The following SLC9D1 variants were observed in gnomAD, a reference collection of about 807,000 sequenced individuals.
SLC9D1 encodes the protein solute carrier family 9 member D1, also known as putative LAG1-interacting protein.
At chr13:113,517,644 T>C in the SLC9D1 span, among the ~76,000 whole-genome samples, 1 of 152,178 alleles carries the variant, frequency 6.6e-6, no homozygotes, top group Non-Finnish European at 1.5e-5. Flanking sequence ...TTTGCAGATA[T>C]AGTGGTGGTC....
chr13:113,500,936 T>G, the SLC9D1 span, among the ~76,000 whole-genome samples: 2 of 152,226 alleles, frequency 1.3e-5, no homozygotes, highest in Non-Finnish European at 2.9e-5. Flanking sequence ...TGGAGGTATC[T>G]GTAAAACTAT....
chr13:113,500,521 G>A, the SLC9D1 span, among the ~76,000 whole-genome samples: 1 of 152,194 alleles, frequency 6.6e-6, no homozygotes, highest in Non-Finnish European at 1.5e-5. Context: ...ATTTAGCCCT[G>A]GGGTGCAGAG....
At chr13:113,520,750 C>A in the SLC9D1 span, 1 of 1,552,674 alleles carries the variant, frequency 6.4e-7, no homozygotes, top group Non-Finnish European at 8.9e-7. Flanking sequence ...GCTTTGTGTA[C>A]GCAATTTGTT....
chr13:113,547,307 C>A, the SLC9D1 span: 160 of 1,613,888 alleles, frequency 9.9e-5, no homozygotes, highest in Non-Finnish European at 1.3e-4. Context: ...CAGGGCTCCA[C>A]GTGTTCCCCA....
chr13:113,512,847 T>C, the SLC9D1 span, among the ~76,000 whole-genome samples: 1 of 148,508 alleles, frequency 6.7e-6, no homozygotes. Flanking sequence ...CCCCAGGTGC[T>C]GGGACTGGAA....
the SLC9D1 span, chr13:113,528,753 TATC>T: frequency 1.1e-4 from 17 of 152,196 alleles, no homozygotes; most frequent in African/African-American, 2.7e-4. Flanking sequence ...AGAGGGTCCT[TATC>T]ATGGCCATTT....
chr13:113,520,427 T>C, the SLC9D1 span: 5 of 428,038 alleles, frequency 1.2e-5, no homozygotes, highest in African/African-American at 2.2e-5. Context: ...GAGGTTGCAG[T>C]GAGCTGAGAT....
chr13:113,496,206 A>G, the SLC9D1 span, among the ~76,000 whole-genome samples: 1 of 152,234 alleles, frequency 6.6e-6, no homozygotes, highest in Admixed American at 6.5e-5. Flanking sequence ...AGGAAATCGC[A>G]TCTAGAAAAA....
the SLC9D1 span, among the ~76,000 whole-genome samples, chr13:113,523,259 G>A: frequency 1.7e-4 from 26 of 152,218 alleles, no homozygotes; most frequent in Admixed American, 3.3e-4. Context: ...ATATTTGGTA[G>A]AATTCTGCAG....
the SLC9D1 span, among the ~76,000 whole-genome samples, chr13:113,542,729 C>T: frequency 6.6e-6 from 1 of 152,140 alleles, no homozygotes; most frequent in African/African-American, 2.4e-5. Context: ...GGCAGCTGTC[C>T]ACTCAGCACA....
chr13:113,496,057 GGA>G, the SLC9D1 span: 1 of 1,389,664 alleles, frequency 7.2e-7, no homozygotes, highest in Non-Finnish European at 9.9e-7. Flanking sequence ...AGAGAGAGAG[GGA>G]GAGGGAGAGA....
the SLC9D1 span, among the ~76,000 whole-genome samples, chr13:113,546,813 A>G: frequency 1.3e-5 from 2 of 149,812 alleles, no homozygotes; most frequent in African/African-American, 5.0e-5. The surrounding 1 kb of genome is among the most constrained non-coding windows in gnomAD (Gnocchi z 7.1). Context: ...TCCTGAGAGC[A>G]GAGAGAAGAA....
the SLC9D1 span, among the ~76,000 whole-genome samples, chr13:113,546,904 G>A: frequency 4.6e-5 from 7 of 152,206 alleles, no homozygotes; most frequent in Admixed American, 1.3e-4. The surrounding 1 kb of genome is among the most constrained non-coding windows in gnomAD (Gnocchi z 7.1). Context: ...GACCACAGGC[G>A]TCCTGTGAGC....
the SLC9D1 span, among the ~76,000 whole-genome samples, chr13:113,511,583 G>T: frequency 6.6e-6 from 1 of 152,216 alleles, no homozygotes; most frequent in African/African-American, 2.4e-5. Flanking sequence ...CCTGCTAGAC[G>T]CTGGACGGGT....
the SLC9D1 span, among the ~76,000 whole-genome samples, chr13:113,542,364 C>T: frequency 5.5e-5 from 8 of 146,192 alleles, no homozygotes; most frequent in Admixed American, 2.8e-4. Flanking sequence ...GTGGATGATA[C>T]GCACACGGTC....
chr13:113,517,294 A>G, the SLC9D1 span, among the ~76,000 whole-genome samples: 2 of 152,306 alleles, frequency 1.3e-5, no homozygotes, highest in African/African-American at 2.4e-5. Context: ...GTGCAACGGC[A>G]CAATTTCAGC....
the SLC9D1 span, chr13:113,530,338 C>T: frequency 6.6e-6 from 1 of 152,114 alleles, no homozygotes; most frequent in Non-Finnish European, 1.5e-5. Context: ...GAATTGTATA[C>T]TTTAAATGGG....
At chr13:113,521,562 G>A in the SLC9D1 span, among the ~76,000 whole-genome samples, 4 of 152,242 alleles carry the variant, frequency 2.6e-5, no homozygotes, top group South Asian at 2.1e-4. Context: ...GTGTGTATGC[G>A]TGTAGGAGAG....
the SLC9D1 span, chr13:113,503,383 G>GTA: frequency 1.1e-5 from 7 of 619,310 alleles, no homozygotes; most frequent in Non-Finnish European, 2.0e-5. Context: ...GTGTGTGTGT[G>GTA]TATGTGTGTT....
Sources: gnomAD v4.1 joint callset for allele counts (sites outside exome capture counted in the v4.1 genomes callset) on GRCh38, gnomAD v4.1.1 for gene constraint, Gnocchi (gnomAD v3.1) non-coding constraint, MANE v1.5 for transcripts, NCBI Gene and HGNC (gene_info 2026-07-23, HGNC 2026-07-21) for gene names.